Variants in OPA3 observed in about 807,000 individuals in gnomAD.
OPA3 encodes the protein optic atrophy 3 protein.
OPA3 carries 6 observed loss-of-function variants against 4.0 expected under a neutral mutation model. The observed-to-expected ratio is 1.51, with a 90% CI of 0.83 to 2.99. The LOEUF (loss-of-function observed/expected upper bound fraction) is 2.99. OPA3 is among the 30% of genes most tolerant of loss of function. The pLI, the probability that OPA3 is intolerant of heterozygous loss-of-function variation, is 0.00. For missense variants in OPA3, 235 were observed against 256.2 expected (o/e 0.92, Z 0.56); for synonymous variants, 105 against 117.1 (o/e 0.90, Z 0.67).
At chr19:45,581,781 G>A (rs1969859086) in intron 1 of OPA3, among the ~76,000 whole-genome samples, 1 of 152,192 alleles carries the variant, frequency 6.6e-6, no homozygotes, top group African/African-American at 2.4e-5. Context: ...CGCAGAGTTG[G>A]CTGTGCGGGA....
intron 1 of OPA3, among the ~76,000 whole-genome samples, chr19:45,534,079 A>T (rs1222285546): frequency 1.3e-5 from 2 of 152,256 alleles, no homozygotes; most frequent in Non-Finnish European, 2.9e-5. Context: ...CAATTGAAGG[A>T]ATCCACAGCT....
intron 1 of OPA3, among the ~76,000 whole-genome samples, chr19:45,574,102 A>C (rs1326853576): frequency 6.6e-6 from 1 of 151,066 alleles, no homozygotes; most frequent in Non-Finnish European, 1.5e-5. Flanking sequence ...ATCTCAAAAA[A>C]AACAAAGGGG....
At position 45,567,737 on chromosome 19, in the gene OPA3, T is replaced by C. The variant is rs575521366; in HGVS notation, c.143-13826A>G. 3.3e-5 allele frequency among the ~76,000 whole-genome samples: 5 copies of C among 152,318 alleles called. No individual in the cohort carries two copies. The East Asian group carries it at 7.7e-4, about 23-fold the overall frequency. ...GAGGAGTTTGGGAGCCAGTGGGATATGACTTCTTATCCTGTACTGCCTCAG... is the reference window on the plus strand; with the variant it reads ...GAGGAGTTTGGGAGCCAGTGGGATACGACTTCTTATCCTGTACTGCCTCAG... On this transcript the variant is annotated intron_variant, in intron 1 of 1. Coordinates refer to ENST00000263275, the MANE Select transcript of OPA3 (RefSeq NM_025136.4).
chr19:45,530,124 T>C (rs4803827), intron 1 of OPA3, among the ~76,000 whole-genome samples: 116,103 of 152,094 alleles, frequency 0.76, 44,590 homozygotes, highest in African/African-American at 0.84. Flanking sequence ...GAGGCCGAGG[T>C]GGGTGGCTCA....
intron 1 of OPA3, among the ~76,000 whole-genome samples, chr19:45,571,271 G>A (rs1969662785): frequency 6.6e-6 from 1 of 152,048 alleles, no homozygotes; most frequent in Non-Finnish European, 1.5e-5. Flanking sequence ...AGTCTCCCAA[G>A]TAGCTGAGAT....
chr19:45,569,627 C>T (rs1004799179), intron 1 of OPA3, among the ~76,000 whole-genome samples: 9 of 152,082 alleles, frequency 5.9e-5, no homozygotes, highest in Admixed American at 1.3e-4. Flanking sequence ...GGAGGTGACC[C>T]GGTTGTGGTA....
chr19:45,536,752 C>G (rs1239724680), intron 1 of OPA3, among the ~76,000 whole-genome samples: 1 of 152,136 alleles, frequency 6.6e-6, no homozygotes. Context: ...AGTCATATGA[C>G]TTGTGACGAA....
In OPA3 at chr19:45,553,478, G is replaced by A. The variant is rs562456005; in HGVS notation, c.*36C>T. ...GGAAGAAGGCCACGTTAGGTACATA[G>A]GCCATGTCCAAATTCAGGTTCCATC... On this transcript the variant is annotated 3_prime_UTR_variant, in exon 2 of 2. Transcript: ENST00000263275. 3.7e-6 allele frequency: 6 copies of A among 1,610,958 alleles called. No homozygotes were observed. Among genetic ancestry groups the A allele is most frequent in the Non-Finnish European group, 5.1e-6 (6 of 1,179,978 alleles).
In OPA3 at chr19:45,568,451, A is replaced by G. The variant is rs968839632; in HGVS notation, c.143-14540T>C. On this transcript the variant is annotated intron_variant, in intron 1 of 1. Coordinates refer to ENST00000263275, the MANE Select transcript of OPA3 (RefSeq NM_025136.4). ...GTGATCCGCCCACCTCGGCCTCCCA[A>G]ATTGCTAGGATTACAGGTGTGAGCC... Among the ~76,000 whole-genome samples the G allele has an allele frequency of 4.6e-5, 7 of 152,058 alleles. No homozygotes were observed. In the East Asian group the frequency reaches 1.3e-3, roughly 29 times the overall value.
At chr19:45,577,008 G>C (rs1031219653) in intron 1 of OPA3, among the ~76,000 whole-genome samples, 1 of 152,150 alleles carries the variant, frequency 6.6e-6, no homozygotes, top group Non-Finnish European at 1.5e-5. Context: ...AGATGAGCTG[G>C]AATTTTCCTA....
rs555444573 is a variant in OPA3 at position 45,572,680 on chromosome 19, C to A, written c.142+11943G>T. On this transcript the variant is annotated intron_variant, in intron 1 of 1. Coordinates refer to ENST00000263275, the MANE Select transcript of OPA3 (RefSeq NM_025136.4). Reference sequence around the variant, plus strand: ...ATATATATCTATATGAGATATATATCTATATATATCATACTATATATATGA... The same window carrying A: ...ATATATATCTATATGAGATATATATATATATATATCATACTATATATATGA... Among the ~76,000 whole-genome samples, 21 of 118,314 alleles carry A rather than the reference C, an allele frequency of 1.8e-4. 1 individual carries two copies. In the South Asian group the frequency reaches 5.2e-3, roughly 29 times the overall value. 77.6% of individuals were successfully genotyped at this position (118,314 alleles called of 152,430 possible).
intron 1 of OPA3, among the ~76,000 whole-genome samples, chr19:45,565,887 G>A (rs143282235): frequency 1.3e-5 from 2 of 152,104 alleles, no homozygotes; most frequent in Admixed American, 6.6e-5. Context: ...CAGGTTCAAG[G>A]CTGCAGTGAG....
intron 1 of OPA3, among the ~76,000 whole-genome samples, chr19:45,554,940 G>A (rs117937198): frequency 1.2e-3 from 179 of 152,060 alleles, no homozygotes; most frequent in Non-Finnish European, 2.1e-3. Flanking sequence ...ACAGGCACGC[G>A]CCACCATGCC....
At chr19:45,558,786 A>G (rs1018161234) in intron 1 of OPA3, among the ~76,000 whole-genome samples, 10 of 149,198 alleles carry the variant, frequency 6.7e-5, no homozygotes, top group Admixed American at 2.7e-4. Context: ...GTGCAGTGGC[A>G]TGATCTCCGC....
chr19:45,552,306 C>T lies in OPA3; in HGVS notation c.*1208G>A. 1 of 577,572 alleles carries T rather than the reference C, an allele frequency of 1.7e-6. No homozygotes were observed. Among genetic ancestry groups the T allele is most frequent in the Non-Finnish European group, 2.2e-6 (1 of 457,670 alleles). 35.8% of individuals were successfully genotyped at this position (577,572 alleles called of 1,614,324 possible). A position where few individuals can be genotyped will look rare whatever the true frequency, so the allele number is the denominator to read the frequency against. ...CACTGCAACCTCTGCCTCCCGGGTT[C>T]AAGCAATTCTCCTGTCTCAGCCTCC... On this transcript the variant is annotated 3_prime_UTR_variant, in exon 2 of 2. Coordinates refer to ENST00000263275, the MANE Select transcript of OPA3 (RefSeq NM_025136.4).
chr19:45,582,461 G>C (rs914400825), intron 1 of OPA3, among the ~76,000 whole-genome samples: 5 of 151,950 alleles, frequency 3.3e-5, no homozygotes, highest in African/African-American at 7.3e-5. Context: ...GGCCCAGCTG[G>C]AGCAGAGTTT....
intron 1 of OPA3, among the ~76,000 whole-genome samples, chr19:45,540,395 GT>G (rs1284174698): frequency 6.6e-6 from 1 of 151,362 alleles, no homozygotes; most frequent in Non-Finnish European, 1.5e-5. Flanking sequence ...ATGCCTTGCT[GT>G]TTAAACAAAC....
chr19:45,534,346 GAGGTC>G (rs1416848099), intron 1 of OPA3, among the ~76,000 whole-genome samples: 3 of 152,054 alleles, frequency 2.0e-5, no homozygotes, highest in Admixed American at 6.6e-5. Context: ...TGGATGACCT[GAGGTC>G]AGGAGTTCCA....
intron 1 of OPA3, among the ~76,000 whole-genome samples, chr19:45,560,130 T>G (rs183612595): frequency 6.6e-6 from 1 of 152,208 alleles, no homozygotes; most frequent in Admixed American, 6.5e-5. Flanking sequence ...TACTCTTGGG[T>G]TACATAGAAT....
Sources: gnomAD v4.1 joint callset for allele counts (sites outside exome capture counted in the v4.1 genomes callset) on GRCh38, gnomAD v4.1.1 for gene constraint, MANE v1.5 for transcripts, NCBI Gene and HGNC (gene_info 2026-07-23, HGNC 2026-07-21) for gene names.